Variants in SRGAP3 observed in about 807,000 individuals in gnomAD.
The protein encoded by SRGAP3 is SLIT-ROBO Rho GTPase-activating protein 3.
A neutral mutation model predicts 121.1 loss-of-function variants in SRGAP3; 39 were observed. The ratio of observed to expected loss-of-function variants is 0.32; its 90% CI spans 0.25 to 0.42. The LOEUF (loss-of-function observed/expected upper bound fraction) is 0.42, where lower values mean the gene tolerates loss of function less well. SRGAP3 is among the 10% of genes least tolerant of loss of function. The pLI, the probability that SRGAP3 is intolerant of heterozygous loss-of-function variation, is 1.00. For missense variants in SRGAP3, 1,213 were observed against 1,470.6 expected (o/e 0.82, Z 2.86); for synonymous variants, 601 against 570.0 (o/e 1.05, Z -0.77).
chr3:9,171,318 G>A (rs188654534), intron 1 of SRGAP3, among the ~76,000 whole-genome samples: 385 of 152,350 alleles, frequency 2.5e-3, no homozygotes, highest in Non-Finnish European at 4.9e-3. Context: ...AGAGGGTGAG[G>A]CTGGGTCAGA....
chr3:9,078,828 G>C (rs1457625635), intron 4 of SRGAP3, among the ~76,000 whole-genome samples: 1 of 152,070 alleles, frequency 6.6e-6, no homozygotes, highest in Non-Finnish European at 1.5e-5. Context: ...CTCAAGTTTT[G>C]CTTCTTAATT....
chr3:9,050,743 TG>T (rs1945527402), intron 9 of SRGAP3, among the ~76,000 whole-genome samples: 1 of 152,246 alleles, frequency 6.6e-6, no homozygotes, highest in East Asian at 1.9e-4. Flanking sequence ...TTAATCTTCA[TG>T]TGCATGTTGT....
At chr3:9,031,552 T>C (rs1010792055) in intron 12 of SRGAP3, among the ~76,000 whole-genome samples, 1 of 152,032 alleles carries the variant, frequency 6.6e-6, no homozygotes, top group Non-Finnish European at 1.5e-5. Flanking sequence ...CACTCTCCCT[T>C]CCCCAGAACT....
At chr3:9,015,498 T>C in intron 15 of SRGAP3, 99 bp downstream of exon 15, 1 of 1,513,554 alleles carries the variant, frequency 6.6e-7, no homozygotes, top group Non-Finnish European at 9.1e-7. Context: ...TCGCCTTTCA[T>C]AATGTCCCTC....
chr3:9,194,732 A>G lies in SRGAP3; in HGVS notation c.67+54153T>C, dbSNP rs1046571627. Among the ~76,000 whole-genome samples the G allele has an allele frequency of 2.6e-4, 40 of 152,246 alleles. 1 individual carries two copies. The highest frequency in any genetic ancestry group is 1.6e-4 in the Non-Finnish European group (11 of 68,034). On this transcript the variant is annotated intron_variant, in intron 1 of 21. Coordinates refer to ENST00000383836, the MANE Select transcript of SRGAP3 (RefSeq NM_014850.4). ...CTAGAACCCAGGGCTCCAGGCTTCTATTGTTCTTTCCCCTCCAATAAAAAC... is the reference window on the plus strand; with the variant it reads ...CTAGAACCCAGGGCTCCAGGCTTCTGTTGTTCTTTCCCCTCCAATAAAAAC...
upstream of SRGAP3, among the ~76,000 whole-genome samples, chr3:9,249,902 CCTTT>C (rs1265047506): frequency 1.3e-5 from 2 of 152,192 alleles, no homozygotes; most frequent in Admixed American, 6.5e-5. Context: ...TAAGATCCTC[CCTTT>C]TTTTGCACTG....
chr3:9,052,533 C>T (rs1180914751), intron 9 of SRGAP3, among the ~76,000 whole-genome samples: 1 of 152,170 alleles, frequency 6.6e-6, no homozygotes, highest in Non-Finnish European at 1.5e-5. Flanking sequence ...CAGTCCCCGT[C>T]TCCTTTCTCC....
At chr3:9,075,945 TG>T (rs990319474) in intron 4 of SRGAP3, among the ~76,000 whole-genome samples, 1 of 152,194 alleles carries the variant, frequency 6.6e-6, no homozygotes, top group African/African-American at 2.4e-5. Context: ...ATTACTGGCA[TG>T]GCTGCAGGCA....
intron 8 of SRGAP3, among the ~76,000 whole-genome samples, chr3:9,054,087 A>G (rs1004120066): frequency 5.9e-5 from 9 of 152,170 alleles, no homozygotes; most frequent in African/African-American, 2.2e-4. Context: ...TTCCAAGCTC[A>G]TTCATTTCTT....
rs1952715018 is a variant in SRGAP3 at position 9,218,885 on chromosome 3, C to T, written c.67+30000G>A. Reference sequence around the variant, plus strand: ...ATGGGGTTTCACCATGTTGGCCAGGCTGGTCTCAAACTCCTGACCTCAGGT... The same window carrying T: ...ATGGGGTTTCACCATGTTGGCCAGGTTGGTCTCAAACTCCTGACCTCAGGT... On this transcript the variant is annotated intron_variant, in intron 1 of 21. Transcript: ENST00000383836. This position sits in a 1 kb window ranked among gnomAD's most constrained non-coding sequence, Gnocchi z 5.3. Among the ~76,000 whole-genome samples, 1 of 152,144 alleles carries T rather than the reference C, an allele frequency of 6.6e-6. No homozygotes were observed. The highest frequency in any genetic ancestry group is 6.5e-5 in the Admixed American group (1 of 15,272).
chr3:9,303,428 A>C (rs1207007576), intron 3 of SRGAP3, among the ~76,000 whole-genome samples: 2 of 151,638 alleles, frequency 1.3e-5, no homozygotes, highest in African/African-American at 4.8e-5. Context: ...CCATCTCAAA[A>C]AAAAAAAAAA....
At chr3:9,002,153 T>G (rs911786697) in intron 18 of SRGAP3, among the ~76,000 whole-genome samples, 1 of 152,204 alleles carries the variant, frequency 6.6e-6, no homozygotes, top group Admixed American at 6.5e-5. Context: ...GTATGCCCTA[T>G]GCTAGTCCAT....
In SRGAP3 at chr3:9,032,736, G is replaced by C; in HGVS notation, c.1453C>G (p.Pro485Ala). 6.2e-7 allele frequency: 1 copy of C among 1,613,236 alleles called. No homozygotes were observed. Among genetic ancestry groups the C allele is most frequent in the South Asian group, 1.1e-5 (1 of 90,996 alleles). The change falls in exon 12 of 22, where the codon CCT (proline) becomes GCT (alanine). Residue 485 changes from proline (P) to alanine (A), a missense_variant. This residue lies in a region of SRGAP3 where 793 missense variants were observed against 1,032.9 expected (regional missense o/e 0.77). Transcript: ENST00000383836. ...CGTTRPPCLP[P>A]KPQKMRRPRP... Reference sequence around the variant, plus strand: ...GGTCTCCTCATTTTCTGTGGTTTAGGGGGAAGACAGGGGGGCCTAGGGGAA... The same window carrying C: ...GGTCTCCTCATTTTCTGTGGTTTAGCGGGAAGACAGGGGGGCCTAGGGGAA...
At chr3:9,245,443 G>C (rs1953784253) in intron 1 of SRGAP3, among the ~76,000 whole-genome samples, 1 of 152,164 alleles carries the variant, frequency 6.6e-6, no homozygotes, top group African/African-American at 2.4e-5. Context: ...GAGTGGAGAT[G>C]GTAAGTGGTA....
At position 9,291,064 on chromosome 3, in the gene SRGAP3, T is replaced by C. The variant is rs553366692; in HGVS notation, n.442+34946A>G. Among the ~76,000 whole-genome samples, 7 of 152,310 alleles carry C rather than the reference T, an allele frequency of 4.6e-5. No individual in the cohort carries two copies. In the South Asian group the frequency reaches 1.5e-3, roughly 32 times the overall value. On this transcript the variant is annotated intron_variant and non_coding_transcript_variant, in intron 3 of 3. Transcript: ENST00000490889. ...CTTTATATTCTTTTTAATCACACTT[T>C]ACCGATAAATAAAATATTAAGAGGA... is the stretch of plus-strand genomic sequence containing the variant.
chr3:9,108,975 A>C (rs925975197), intron 2 of SRGAP3, among the ~76,000 whole-genome samples: 7 of 152,240 alleles, frequency 4.6e-5, no homozygotes, highest in African/African-American at 1.7e-4. Context: ...CTCAGATCTT[A>C]GGCGACTGGG....
In SRGAP3 at chr3:9,323,798, A is replaced by AACATACAC. The variant is rs1553574436; in HGVS notation, n.442+2211_442+2212insGTGTATGT. Among the ~76,000 whole-genome samples, 973 of 148,880 alleles carry AACATACAC rather than the reference A, an allele frequency of 6.5e-3. 20 individuals are homozygous for AACATACAC. Among genetic ancestry groups the AACATACAC allele is most frequent in the East Asian group, 0.014 (74 of 5,136 alleles). On this transcript the variant is annotated intron_variant and non_coding_transcript_variant, in intron 3 of 3. Transcript: ENST00000490889. ...CACAAATGTCTCTCCCTGTGTATCTAACACACACACACACACACACACACA... is the reference window on the plus strand; with the variant it reads ...CACAAATGTCTCTCCCTGTGTATCTAACATACACACACACACACACACACACACACACA...
intron 1 of SRGAP3, among the ~76,000 whole-genome samples, chr3:9,240,388 T>C (rs1207383800): frequency 6.6e-6 from 1 of 151,988 alleles, no homozygotes; most frequent in Non-Finnish European, 1.5e-5. Flanking sequence ...GTCAACCCCG[T>C]CCCTTCCTAA....
At chr3:9,107,875 A>C (rs1244032090) in intron 2 of SRGAP3, among the ~76,000 whole-genome samples, 1 of 152,204 alleles carries the variant, frequency 6.6e-6, no homozygotes, top group African/African-American at 2.4e-5. Context: ...TGTGCCTGCC[A>C]TGTAGCAGAT....
Sources: allele counts gnomAD v4.1 joint callset (sites outside exome capture counted in the v4.1 genomes callset), GRCh38; gene constraint gnomAD v4.1.1; regional missense constraint gnomAD v4.1.1; non-coding constraint Gnocchi (gnomAD v3.1); transcripts MANE v1.5; gene names NCBI Gene and HGNC (gene_info 2026-07-23, HGNC 2026-07-21).